Variants in SLC7A14 observed in about 807,000 individuals in gnomAD.
The protein encoded by SLC7A14 is solute carrier family 7 member 14.
In SLC7A14, 37 loss-of-function variants were observed where a neutral mutation model predicts 60.2. The ratio of observed to expected loss-of-function variants is 0.61; its 90% CI spans 0.47 to 0.81. The LOEUF (loss-of-function observed/expected upper bound fraction) is 0.81, where lower values mean the gene tolerates loss of function less well. Among genes scored for constraint, SLC7A14 ranks in the 30% least tolerant of loss-of-function variants. SLC7A14 has a pLI of 0.00. For synonymous variants in SLC7A14, 399 were observed against 395.8 expected, an observed-to-expected ratio of 1.01 and a Z score of -0.10; for missense variants, 886 against 982.7, an observed-to-expected ratio of 0.90 and a Z score of 1.32.
intron 2 of SLC7A14, among the ~76,000 whole-genome samples, chr3:170,513,636 G>A (rs1433780937): frequency 1.3e-5 from 2 of 152,224 alleles, no homozygotes; most frequent in African/African-American, 2.4e-5. Flanking sequence ...TATGTTGCAT[G>A]TTAGCAAATA....
At chr3:170,483,592 G>T in intron 5 of SLC7A14, 70 bp from the exon 6 acceptor site, 1 of 1,545,922 alleles carries the variant, frequency 6.5e-7, no homozygotes, top group Non-Finnish European at 8.9e-7. Context: ...CCCCACGGGA[G>T]AGGAAAGAGC....
chr3:170,497,468 A>T (rs1303775921), intron 4 of SLC7A14, among the ~76,000 whole-genome samples: 1 of 152,226 alleles, frequency 6.6e-6, no homozygotes, highest in Non-Finnish European at 1.5e-5. Context: ...AGTGTTCTCC[A>T]AGAAACATTT....
At chr3:170,478,109 G>T (rs1388633103) in intron 7 of SLC7A14, among the ~76,000 whole-genome samples, 1 of 152,132 alleles carries the variant, frequency 6.6e-6, no homozygotes, top group East Asian at 1.9e-4. Flanking sequence ...ATGGAGTCTT[G>T]CTCTGTCTCC....
chr3:170,498,608 G>T, intron 4 of SLC7A14, 59 bp downstream of exon 4: 2 of 1,521,634 alleles, frequency 1.3e-6, no homozygotes, highest in South Asian at 1.1e-5. Context: ...TCTTAGGTTG[G>T]TCACAGGGTA....
intron 1 of SLC7A14, among the ~76,000 whole-genome samples, chr3:170,570,969 A>AT (rs371333723): frequency 3.9e-5 from 6 of 152,048 alleles, no homozygotes; most frequent in African/African-American, 7.2e-5. Flanking sequence ...CCAACAGGTG[A>AT]TTTTTTTGTT....
intron 1 of SLC7A14, among the ~76,000 whole-genome samples, chr3:170,552,827 G>T (rs190622294): frequency 6.6e-6 from 1 of 152,128 alleles, no homozygotes; most frequent in Non-Finnish European, 1.5e-5. Flanking sequence ...GAAAGCTTTC[G>T]ATGACTCTTT....
intron 1 of SLC7A14, among the ~76,000 whole-genome samples, chr3:170,552,398 A>C (rs1308287528): frequency 6.6e-6 from 1 of 152,176 alleles, no homozygotes; most frequent in Non-Finnish European, 1.5e-5. Context: ...TATTCCATTG[A>C]TCTACATATC....
chr3:170,533,928 C>T (rs1445958573), intron 1 of SLC7A14, among the ~76,000 whole-genome samples: 1 of 152,192 alleles, frequency 6.6e-6, no homozygotes, highest in African/African-American at 2.4e-5. Flanking sequence ...TGTGGAGTCT[C>T]AGACACAGCC....
At chr3:170,470,218 C>A (rs1364691526) in intron 7 of SLC7A14, among the ~76,000 whole-genome samples, 3 of 151,998 alleles carry the variant, frequency 2.0e-5, no homozygotes, top group Non-Finnish European at 2.9e-5. Flanking sequence ...TCCCCTCCCC[C>A]AGGCTGGTTT....
At chr3:170,533,013 A>T (rs184577289) in intron 1 of SLC7A14, among the ~76,000 whole-genome samples, 22 of 152,208 alleles carry the variant, frequency 1.4e-4, no homozygotes, top group African/African-American at 5.3e-4. Context: ...AGATGCACAC[A>T]TACCTTTGGG....
At chr3:170,486,395 C>T in intron 4 of SLC7A14, 27 bp from the exon 5 acceptor site, 2 of 1,614,092 alleles carry the variant, frequency 1.2e-6, no homozygotes, top group South Asian at 1.1e-5. Flanking sequence ...ATTTGTCAGA[C>T]TCAGAAGATC....
intron 7 of SLC7A14, among the ~76,000 whole-genome samples, 191 bp downstream of exon 7, chr3:170,480,098 T>C (rs1394005554): frequency 6.6e-6 from 1 of 152,176 alleles, no homozygotes; most frequent in Non-Finnish European, 1.5e-5. Context: ...CCAGAACCAA[T>C]GACTAAGAAC....
At chr3:170,549,069 AT>A (rs1714261070) in intron 1 of SLC7A14, among the ~76,000 whole-genome samples, 1 of 152,186 alleles carries the variant, frequency 6.6e-6, no homozygotes, top group Non-Finnish European at 1.5e-5. Context: ...ATATTTTCAC[AT>A]TTGATTATCA....
chr3:170,556,576 T>C (rs1357420131), intron 1 of SLC7A14, among the ~76,000 whole-genome samples: 1 of 152,172 alleles, frequency 6.6e-6, no homozygotes, highest in Non-Finnish European at 1.5e-5. Flanking sequence ...TCTCAGTAAA[T>C]CACTTAGGCC....
chr3:170,567,695 G>A (rs1217346066), intron 1 of SLC7A14, among the ~76,000 whole-genome samples: 4 of 151,720 alleles, frequency 2.6e-5, no homozygotes, highest in Non-Finnish European at 5.9e-5. Flanking sequence ...TTTAATGATT[G>A]CCATTCTAAG....
At chr3:170,479,840 T>C (rs568221939) in intron 7 of SLC7A14, among the ~76,000 whole-genome samples, 1 of 152,384 alleles carries the variant, frequency 6.6e-6, no homozygotes, top group East Asian at 1.9e-4. Context: ...CTTGTTCATT[T>C]AAAAATGAGA....
chr3:170,517,081 AGGAAGATT>A lies in SLC7A14; in HGVS notation c.304+9544_304+9551del, dbSNP rs201216159. Among the ~76,000 whole-genome samples, 417 of 152,332 alleles carry A rather than the reference AGGAAGATT, an allele frequency of 2.7e-3. 2 individuals carry two copies. Among genetic ancestry groups the A allele is most frequent in the African/African-American group, 7.7e-3 (318 of 41,562 alleles). ...ATGGGGACATTAATATCCACGTGAT[AGGAAGATT>A]GAAAGAATTAAATGAGATAATGTAT... On this transcript the variant is annotated intron_variant, in intron 2 of 7. Coordinates refer to ENST00000231706, the MANE Select transcript of SLC7A14 (RefSeq NM_020949.3).
intron 1 of SLC7A14, among the ~76,000 whole-genome samples, chr3:170,543,533 C>T (rs944116593): frequency 6.6e-6 from 1 of 151,778 alleles, no homozygotes; most frequent in Non-Finnish European, 1.5e-5. Flanking sequence ...CTTGTAATCC[C>T]AGCTACTCGG....
chr3:170,551,066 A>C (rs998322203), intron 1 of SLC7A14, among the ~76,000 whole-genome samples: 1 of 151,730 alleles, frequency 6.6e-6, no homozygotes, highest in Non-Finnish European at 1.5e-5. Flanking sequence ...TCCTCCCCCA[A>C]CTCCTGGTAA....
Sources: gnomAD v4.1 joint callset for allele counts (sites outside exome capture counted in the v4.1 genomes callset) on GRCh38, gnomAD v4.1.1 for gene constraint, MANE v1.5 for transcripts, NCBI Gene and HGNC (gene_info 2026-07-23, HGNC 2026-07-21) for gene names.